Variants in FSTL4 observed in about 807,000 individuals in gnomAD.
The protein encoded by FSTL4 is follistatin-related protein 4.
Under a neutral mutation model 78.2 loss-of-function variants are expected in FSTL4, and 28 were observed. The ratio of observed to expected loss-of-function variants is 0.36; its 90% confidence interval spans 0.27 to 0.49. The LOEUF (loss-of-function observed/expected upper bound fraction) is 0.49. Ranked by LOEUF, FSTL4 falls within the 20% of genes least tolerant of loss-of-function variation. The pLI, the probability that FSTL4 is intolerant of heterozygous loss-of-function variation, is 0.98. For synonymous variants in FSTL4, 422 were observed against 440.5 expected (o/e 0.96, Z 0.53); for missense variants, 922 against 1,084.9 (o/e 0.85, Z 2.11).
chr5:133,644,524 G>A, the FSTL4 span, among the ~76,000 whole-genome samples: 1 of 152,082 alleles, frequency 6.6e-6, no homozygotes, highest in African/African-American at 2.4e-5. Context: ...TAGTGTAATT[G>A]TTGGGATGAG....
chr5:133,203,126 C>A (rs1750382469), intron 14 of FSTL4, among the ~76,000 whole-genome samples: 1 of 152,220 alleles, frequency 6.6e-6, no homozygotes, highest in Admixed American at 6.5e-5. Flanking sequence ...GACCAGTGGT[C>A]CGATGAGGGG....
intron 3 of FSTL4, among the ~76,000 whole-genome samples, chr5:133,429,466 C>CT (rs1202658481): frequency 1.3e-5 from 2 of 152,104 alleles, no homozygotes; most frequent in Admixed American, 6.5e-5. Flanking sequence ...ATGCTCGTGA[C>CT]TCCCCCACCC....
chr5:133,217,092 T>C (rs1750932044), intron 13 of FSTL4, 137 bp downstream of exon 13: 1 of 654,112 alleles, frequency 1.5e-6, no homozygotes, highest in African/African-American at 1.8e-5. Flanking sequence ...ACTTCACGAA[T>C]AATTACACAT....
chr5:133,271,699 C>T (rs1242096463), intron 6 of FSTL4, among the ~76,000 whole-genome samples: 1 of 152,178 alleles, frequency 6.6e-6, no homozygotes, highest in Non-Finnish European at 1.5e-5. Flanking sequence ...CTAATAACAG[C>T]CTAAGTCGTA....
intron 4 of FSTL4, among the ~76,000 whole-genome samples, chr5:133,394,951 A>G (rs1405775941): frequency 1.3e-5 from 2 of 152,162 alleles, no homozygotes; most frequent in African/African-American, 2.4e-5. Flanking sequence ...TTGTAAATGC[A>G]CCAATCAGTG....
chr5:133,631,439 C>T, the FSTL4 span, among the ~76,000 whole-genome samples: 1 of 152,024 alleles, frequency 6.6e-6, no homozygotes, highest in Admixed American at 6.6e-5. Flanking sequence ...AAATCAAAAC[C>T]ACAATGAGAT....
chr5:133,255,569 G>GC (rs1215249308), intron 6 of FSTL4, among the ~76,000 whole-genome samples: 3 of 152,234 alleles, frequency 2.0e-5, no homozygotes, highest in African/African-American at 4.8e-5. Flanking sequence ...GGGCTGTCTG[G>GC]CACTCTGGTG....
Position 133,229,083 on chromosome 5 carries a change from A to G in FSTL4, c.1016-3264T>C, listed in dbSNP as rs1392626402. Reference sequence around the variant, plus strand: ...CAGACAGAAAATATAATGGAACTCAATGAAGAAAACAATATAACCTCACTG... The same window carrying G: ...CAGACAGAAAATATAATGGAACTCAGTGAAGAAAACAATATAACCTCACTG... On this transcript the variant is annotated intron_variant, in intron 8 of 15. Coordinates refer to ENST00000265342, the MANE Select transcript of FSTL4 (RefSeq NM_015082.2). Among the ~76,000 whole-genome samples the G allele has an allele frequency of 2.6e-5, 4 of 152,382 alleles. No homozygotes were observed. In the East Asian group the frequency reaches 5.8e-4, roughly 22 times the overall value.
the FSTL4 span, among the ~76,000 whole-genome samples, chr5:133,627,482 T>C: frequency 6.6e-6 from 1 of 152,180 alleles, no homozygotes; most frequent in East Asian, 1.9e-4. Flanking sequence ...CCATGACACA[T>C]GGGAATTATG....
chr5:133,507,970 G>T (rs912538527), intron 3 of FSTL4, among the ~76,000 whole-genome samples: 2 of 152,198 alleles, frequency 1.3e-5, no homozygotes, highest in African/African-American at 4.8e-5. Flanking sequence ...GATGGGATCT[G>T]TTCTGAGAAA....
chr5:133,766,026 A>G, the FSTL4 span, among the ~76,000 whole-genome samples: 380 of 152,282 alleles, frequency 2.5e-3, no homozygotes, highest in African/African-American at 8.9e-3. Context: ...CCTACCAGAT[A>G]TGTACCCACA....
At chr5:133,504,254 G>A (rs1187125590) in intron 3 of FSTL4, among the ~76,000 whole-genome samples, 1 of 151,898 alleles carries the variant, frequency 6.6e-6, no homozygotes, top group Non-Finnish European at 1.5e-5. Flanking sequence ...CTCTGTCCAG[G>A]TGAAAAAGGC....
At chr5:133,212,284 T>A (rs1397577496) in intron 13 of FSTL4, among the ~76,000 whole-genome samples, 2 of 152,230 alleles carry the variant, frequency 1.3e-5, no homozygotes, top group African/African-American at 4.8e-5. Flanking sequence ...GATTTCATAC[T>A]CTTATTCTAA....
At chr5:133,803,770 C>T in the FSTL4 span, among the ~76,000 whole-genome samples, 4 of 152,218 alleles carry the variant, frequency 2.6e-5, no homozygotes, top group African/African-American at 4.8e-5. Flanking sequence ...TCATGCCAAA[C>T]TGTCTGTTGT....
chr5:133,454,707 C>A (rs1038831116), intron 3 of FSTL4, among the ~76,000 whole-genome samples: 1 of 152,226 alleles, frequency 6.6e-6, no homozygotes, highest in South Asian at 2.1e-4. Flanking sequence ...TAAGCCACCA[C>A]CCACATTCTG....
At chr5:133,489,184 G>A (rs1347330591) in intron 3 of FSTL4, among the ~76,000 whole-genome samples, 1 of 152,190 alleles carries the variant, frequency 6.6e-6, no homozygotes, top group African/African-American at 2.4e-5. Context: ...AGACCCTCTG[G>A]AGAACCCGTT....
At chr5:133,319,498 G>T (rs964994592) in intron 4 of FSTL4, among the ~76,000 whole-genome samples, 10 of 152,324 alleles carry the variant, frequency 6.6e-5, no homozygotes, top group African/African-American at 2.4e-4. Context: ...GGAAGAGCAG[G>T]CCAGGAGCAG....
At chr5:133,353,603 G>A (rs1036814620) in intron 4 of FSTL4, among the ~76,000 whole-genome samples, 8 of 152,158 alleles carry the variant, frequency 5.3e-5, no homozygotes, top group African/African-American at 1.9e-4. Context: ...GTGAGGTGGG[G>A]GTGGGACAAC....
chr5:133,509,842 G>A (rs1198036293), intron 3 of FSTL4, among the ~76,000 whole-genome samples: 4 of 152,244 alleles, frequency 2.6e-5, no homozygotes, highest in African/African-American at 9.6e-5. Flanking sequence ...TGCTGCCCTG[G>A]GCAGTGCCCA....
Sources: allele counts gnomAD v4.1 joint callset (sites outside exome capture counted in the v4.1 genomes callset), GRCh38; gene constraint gnomAD v4.1.1; transcripts MANE v1.5; gene names NCBI Gene and HGNC (gene_info 2026-07-23, HGNC 2026-07-21).